Variants in FRMD4A observed in about 807,000 individuals in gnomAD.
FRMD4A encodes the protein FERM domain containing 4A.
A neutral mutation model predicts 129.1 loss-of-function variants in FRMD4A; 29 were observed. The ratio of observed to expected loss-of-function variants is 0.22; its 90% CI spans 0.17 to 0.31. The LOEUF (loss-of-function observed/expected upper bound fraction) is 0.31, where lower values mean the gene tolerates loss of function less well. Among genes scored for constraint, FRMD4A ranks in the 10% least tolerant of loss-of-function variants. The pLI, the probability that FRMD4A is intolerant of heterozygous loss-of-function variation, is 1.00. For synonymous variants in FRMD4A, 634 were observed against 571.6 expected, an observed-to-expected ratio of 1.11 and a Z score of -1.56; for missense variants, 1,272 against 1,375.8, an observed-to-expected ratio of 0.92 and a Z score of 1.19.
At chr10:14,168,202 C>T (rs1320399434) in intron 2 of FRMD4A, among the ~76,000 whole-genome samples, 1 of 152,096 alleles carries the variant, frequency 6.6e-6, no homozygotes, top group East Asian at 1.9e-4. Context: ...CAGTGGTGTG[C>T]TGGTAAATGA....
chr10:14,315,289 C>G (rs1249814885), intron 2 of FRMD4A, among the ~76,000 whole-genome samples: 1 of 152,174 alleles, frequency 6.6e-6, no homozygotes, highest in African/African-American at 2.4e-5. Flanking sequence ...CCTCTAACCA[C>G]AGCTACATAC....
chr10:13,771,664 A>G (rs2092457264), intron 6 of FRMD4A, among the ~76,000 whole-genome samples: 1 of 152,236 alleles, frequency 6.6e-6, no homozygotes, highest in Admixed American at 6.5e-5. Context: ...CTCCAGCCTA[A>G]AGAAGCATAT....
At chr10:13,648,754 C>T (rs1009390613) in intron 24 of FRMD4A, 5 of 152,134 alleles carry the variant, frequency 3.3e-5, no homozygotes, top group East Asian at 3.8e-4. Context: ...ATGTAACTAA[C>T]GAATACTGGC....
chr10:14,307,363 A>T (rs183823397), intron 2 of FRMD4A, among the ~76,000 whole-genome samples: 76 of 152,362 alleles, frequency 5.0e-4, no homozygotes, highest in Admixed American at 5.0e-3. Flanking sequence ...AAAATTAGCC[A>T]TCAAAAGAAA....
rs1285305420 is a variant in FRMD4A at position 14,039,407 on chromosome 10, C to CATCCATCTATCTATCTATCT, written c.46-180496_46-180495insAGATAGATAGATAGATGGAT. 8.1e-4 allele frequency among the ~76,000 whole-genome samples: 119 copies of CATCCATCTATCTATCTATCT among 147,792 alleles called. 3 individuals carry two copies. The highest frequency in any genetic ancestry group is 3.0e-3 in the African/African-American group (116 of 38,680). The stretch of plus-strand genomic sequence containing the variant: ...CCATCCATCCATCCATCCATCCATC[C>CATCCATCTATCTATCTATCT]ATCTATCTATCTATCTATCTATCTA... On this transcript the variant is annotated intron_variant, in intron 2 of 24. Transcript: ENST00000357447.
chr10:14,219,238 G>A (rs953827579), intron 2 of FRMD4A, among the ~76,000 whole-genome samples: 10 of 152,060 alleles, frequency 6.6e-5, no homozygotes, highest in African/African-American at 2.4e-4. Flanking sequence ...GTGACCACAG[G>A]CATCTTGAGT....
At chr10:14,096,268 G>C (rs1531389) in intron 2 of FRMD4A, among the ~76,000 whole-genome samples, 83,001 of 152,024 alleles carry the variant, frequency 0.55, 23,971 homozygotes, top group East Asian at 0.73. Context: ...TGTGAGAAAC[G>C]GGCCCTCACC....
At chr10:13,654,362 G>A (rs533291499) in intron 23 of FRMD4A, 54 bp downstream of exon 23, 51 of 1,117,104 alleles carry the variant, frequency 4.6e-5, no homozygotes, top group African/African-American at 2.0e-4. Flanking sequence ...GGATCTGAAC[G>A]TCTATGACAC....
chr10:14,064,377 G>A (rs1252999540), intron 2 of FRMD4A, among the ~76,000 whole-genome samples: 5 of 152,146 alleles, frequency 3.3e-5, no homozygotes, highest in African/African-American at 1.2e-4. Context: ...ATTTCTCCTT[G>A]TAAAACAGTG....
At chr10:14,247,203 A>G (rs1844272984) in intron 2 of FRMD4A, among the ~76,000 whole-genome samples, 1 of 152,072 alleles carries the variant, frequency 6.6e-6, no homozygotes, top group Admixed American at 6.6e-5. Context: ...GGAGACTGTG[A>G]TGGCCATGCC....
chr10:13,959,191 G>A (rs1172687926), intron 2 of FRMD4A, among the ~76,000 whole-genome samples: 1 of 152,028 alleles, frequency 6.6e-6, no homozygotes, highest in Non-Finnish European at 1.5e-5. Flanking sequence ...GCTGTGAGTG[G>A]GCTAGGTGCG....
chr10:13,856,058 C>G (rs1392743929), intron 3 of FRMD4A, among the ~76,000 whole-genome samples: 1 of 136,988 alleles, frequency 7.3e-6, no homozygotes, highest in Admixed American at 7.5e-5. Flanking sequence ...ATCTATCTAT[C>G]TATGTATACA....
intron 2 of FRMD4A, among the ~76,000 whole-genome samples, chr10:14,220,193 T>G (rs1218995617): frequency 6.6e-6 from 1 of 152,154 alleles, no homozygotes; most frequent in African/African-American, 2.4e-5. Context: ...AACTGCAACA[T>G]ATCATCGTAC....
At chr10:13,933,237 T>C (rs2095217919) in intron 2 of FRMD4A, among the ~76,000 whole-genome samples, 1 of 152,206 alleles carries the variant, frequency 6.6e-6, no homozygotes, top group African/African-American at 2.4e-5. Flanking sequence ...ACTTCAGCTA[T>C]GACAGGAAAT....
At chr10:13,766,557 A>C (rs917619864) in intron 6 of FRMD4A, among the ~76,000 whole-genome samples, 1 of 152,208 alleles carries the variant, frequency 6.6e-6, no homozygotes, top group East Asian at 1.9e-4. Flanking sequence ...ATGTTCTCAT[A>C]GGACTCAACA....
At chr10:13,709,634 C>CT (rs2087812899) in intron 12 of FRMD4A, among the ~76,000 whole-genome samples, 1 of 152,176 alleles carries the variant, frequency 6.6e-6, no homozygotes, top group Non-Finnish European at 1.5e-5. Context: ...GTGGATGGTA[C>CT]TTCAATGAAA....
chr10:14,148,413 G>T (rs1840182544), intron 2 of FRMD4A, among the ~76,000 whole-genome samples: 1 of 152,186 alleles, frequency 6.6e-6, no homozygotes, highest in Non-Finnish European at 1.5e-5. Flanking sequence ...GAACAGAGAA[G>T]ACATTCTCAA....
chr10:13,685,261 T>G, intron 15 of FRMD4A: 1 of 985,226 alleles, frequency 1.0e-6, no homozygotes, highest in Non-Finnish European at 1.2e-6. Flanking sequence ...CAAGCACCTT[T>G]TGATGGTGGC....
chr10:14,030,119 T>C (rs1833168256), intron 2 of FRMD4A, among the ~76,000 whole-genome samples: 1 of 152,038 alleles, frequency 6.6e-6, no homozygotes, highest in Non-Finnish European at 1.5e-5. Flanking sequence ...AATGGGGAGA[T>C]GTTGGTCAAG....
Sources: allele counts gnomAD v4.1 joint callset (sites outside exome capture counted in the v4.1 genomes callset), GRCh38; gene constraint gnomAD v4.1.1; transcripts MANE v1.5; gene names NCBI Gene and HGNC (gene_info 2026-07-23, HGNC 2026-07-21).